Variants in MACROD2 observed in about 807,000 individuals in gnomAD.
MACROD2 encodes the protein mono-ADP ribosylhydrolase 2.
MACROD2 carries 36 observed loss-of-function variants against 70.4 expected under a neutral mutation model. The ratio of observed to expected loss-of-function variants is 0.51; its 90% CI spans 0.39 to 0.68. The LOEUF (loss-of-function observed/expected upper bound fraction) is 0.68. Ranked by LOEUF, MACROD2 falls within the 30% of genes least tolerant of loss-of-function variation. The pLI is 0.00. For synonymous variants in MACROD2, 172 were observed against 178.8 expected (o/e 0.96, Z 0.30); for missense variants, 496 against 538.4 (o/e 0.92, Z 0.78).
At chr20:15,710,194 C>CAAA (rs67656339) in intron 8 of MACROD2, among the ~76,000 whole-genome samples, 16 of 102,644 alleles carry the variant, frequency 1.6e-4, no homozygotes, top group South Asian at 6.5e-4. Context: ...ATCAAAAAGA[C>CAAA]AAAAAAAAAA....
At position 15,845,930 on chromosome 20, in the gene MACROD2, C is replaced by T. The variant is rs574584172; in HGVS notation, c.646-16815C>T. On this transcript the variant is annotated intron_variant, in intron 8 of 17. Coordinates refer to ENST00000684519, the MANE Select transcript of MACROD2 (RefSeq NM_001351661.2). Reference sequence around the variant, plus strand: ...TGAAATTTAAGCCTATTCTCTTGATCCGAACCTCCTCTCCCACAAAACAGA... The same window carrying T: ...TGAAATTTAAGCCTATTCTCTTGATTCGAACCTCCTCTCCCACAAAACAGA... Among the ~76,000 whole-genome samples, 100 of 152,314 alleles carry T rather than the reference C, an allele frequency of 6.6e-4. 1 individual carries two copies. Among genetic ancestry groups the T allele is most frequent in the African/African-American group, 2.3e-3 (97 of 41,578 alleles).
chr20:14,184,459 G>A (rs1297175123), intron 3 of MACROD2, among the ~76,000 whole-genome samples: 1 of 151,228 alleles, frequency 6.6e-6, no homozygotes, highest in South Asian at 2.1e-4. Context: ...GTCAGGTAGT[G>A]TCATGCCCTC....
chr20:15,914,205 G>T (rs115041247), intron 10 of MACROD2, among the ~76,000 whole-genome samples: 2 of 152,364 alleles, frequency 1.3e-5, no homozygotes, highest in African/African-American at 4.8e-5. Flanking sequence ...CCTGGACAGA[G>T]AATCGGTCCC....
At chr20:14,892,127 C>A (rs1393476062) in intron 5 of MACROD2, among the ~76,000 whole-genome samples, 1 of 152,100 alleles carries the variant, frequency 6.6e-6, no homozygotes, top group Non-Finnish European at 1.5e-5. Context: ...AGATGAACAT[C>A]ATTTATTGCC....
intron 5 of MACROD2, among the ~76,000 whole-genome samples, chr20:15,223,930 G>A (rs778207433): frequency 2.6e-5 from 4 of 152,264 alleles, no homozygotes; most frequent in Admixed American, 1.3e-4. Context: ...GCAACATGGC[G>A]TCCACCTGCT....
chr20:15,042,351 G>A (rs1394587019), intron 5 of MACROD2, among the ~76,000 whole-genome samples: 2 of 152,174 alleles, frequency 1.3e-5, no homozygotes, highest in Admixed American at 6.5e-5. Flanking sequence ...GGAAGAAACA[G>A]TAATATAAAA....
chr20:15,964,679 C>T (rs4814420), intron 12 of MACROD2, among the ~76,000 whole-genome samples: 90,012 of 152,002 alleles, frequency 0.59, 29,244 homozygotes, highest in Non-Finnish European at 0.73. Context: ...AGCTGCACTG[C>T]CACTTCAAAC....
intron 3 of MACROD2, among the ~76,000 whole-genome samples, chr20:14,407,719 A>T (rs2083706895): frequency 6.6e-6 from 1 of 152,162 alleles, no homozygotes; most frequent in Non-Finnish European, 1.5e-5. Context: ...TATTCTGGAA[A>T]TGCAATTTAC....
intron 5 of MACROD2, among the ~76,000 whole-genome samples, chr20:15,018,612 CAGAG>C (rs111668014): frequency 4.0e-5 from 6 of 150,522 alleles, no homozygotes; most frequent in Admixed American, 6.6e-5. Flanking sequence ...TATAGAGAGA[CAGAG>C]AGAGAGAGAG....
chr20:15,096,724 C>G (rs190864786), intron 5 of MACROD2, among the ~76,000 whole-genome samples: 1 of 151,472 alleles, frequency 6.6e-6, no homozygotes, highest in East Asian at 1.9e-4. Context: ...GTTGACCAGG[C>G]TGGTCTGGAG....
chr20:14,587,016 A>C (rs946758697), intron 4 of MACROD2, among the ~76,000 whole-genome samples: 2 of 151,912 alleles, frequency 1.3e-5, no homozygotes, highest in Non-Finnish European at 2.9e-5. Flanking sequence ...GTATTTTATA[A>C]TTTAATTTAG....
chr20:15,274,241 G>C (rs146326942), intron 6 of MACROD2, among the ~76,000 whole-genome samples: 37 of 152,310 alleles, frequency 2.4e-4, no homozygotes, highest in African/African-American at 8.9e-4. Flanking sequence ...TGAGAGCTCA[G>C]TTGCAAATAC....
At chr20:14,378,254 C>T (rs547485060) in intron 3 of MACROD2, among the ~76,000 whole-genome samples, 54 of 152,324 alleles carry the variant, frequency 3.5e-4, no homozygotes, top group Non-Finnish European at 5.4e-4. Flanking sequence ...CTAAGGTGCA[C>T]TACACAGATT....
intron 2 of MACROD2, among the ~76,000 whole-genome samples, chr20:14,033,403 C>A (rs2053269593): frequency 6.6e-6 from 1 of 151,988 alleles, no homozygotes; most frequent in African/African-American, 2.4e-5. Flanking sequence ...TTAGATTTGT[C>A]ATAGCTGTTT....
chr20:14,035,864 T>C (rs150343425), intron 2 of MACROD2, among the ~76,000 whole-genome samples: 8 of 152,346 alleles, frequency 5.3e-5, no homozygotes, highest in African/African-American at 1.4e-4. Flanking sequence ...AGACAGCGGC[T>C]GGGCGCGGTG....
intron 8 of MACROD2, among the ~76,000 whole-genome samples, chr20:15,798,705 C>T (rs1236469604): frequency 6.6e-6 from 1 of 152,176 alleles, no homozygotes; most frequent in Non-Finnish European, 1.5e-5. Flanking sequence ...ATACCAATGT[C>T]TGTTGCCTCC....
chr20:14,862,638 T>TAA (rs1344545806), intron 5 of MACROD2, among the ~76,000 whole-genome samples: 3 of 9,398 alleles, frequency 3.2e-4, no homozygotes, highest in South Asian at 6.8e-3. Context: ...TAAATATATA[T>TAA]ATAAATATAT....
chr20:14,859,099 G>A (rs1424911140), intron 5 of MACROD2, among the ~76,000 whole-genome samples: 1 of 151,844 alleles, frequency 6.6e-6, no homozygotes. Context: ...GGGGGTGAGC[G>A]GTAAAAGACT....
At chr20:15,565,358 A>G (rs560032264) in intron 8 of MACROD2, among the ~76,000 whole-genome samples, 35 of 152,246 alleles carry the variant, frequency 2.3e-4, no homozygotes, top group Non-Finnish European at 4.3e-4. Context: ...GGCTGTAACC[A>G]TAAATGATTT....
Sources: allele counts gnomAD v4.1 joint callset (sites outside exome capture counted in the v4.1 genomes callset), GRCh38; gene constraint gnomAD v4.1.1; transcripts MANE v1.5; gene names NCBI Gene and HGNC (gene_info 2026-07-23, HGNC 2026-07-21).